MACC1: variants seen among roughly 807,000 people sequenced by gnomAD.
MACC1 encodes the protein metastasis-associated in colon cancer protein 1.
MACC1 carries 79 observed loss-of-function variants against 70.7 expected under a neutral mutation model. The observed-to-expected ratio is 1.12, with a 90% CI of 0.93 to 1.35. MACC1 has a LOEUF of 1.35. Ranked by LOEUF, MACC1 falls within the 40% of genes most tolerant of loss-of-function variation. The probability of loss-of-function intolerance (pLI) is 0.00; values close to 1 mark genes in which losing one functional copy is unlikely to be tolerated. For missense variants in MACC1, 1,106 were observed against 978.1 expected, an observed-to-expected ratio of 1.13 and a Z score of -1.74; for synonymous variants, 361 against 347.2, an observed-to-expected ratio of 1.04 and a Z score of -0.44.
rs188092251 is a variant in MACC1, at chr7:20,186,110, C to T, written c.-217-15332G>A. Reference sequence around the variant, plus strand: ...ATGGACAGAGCTACTATTACATTTACGATAGAGTTCCAGTTCAGTAAAGCC... The same window carrying T: ...ATGGACAGAGCTACTATTACATTTATGATAGAGTTCCAGTTCAGTAAAGCC... On this transcript the variant is annotated intron_variant, in intron 1 of 6. Transcript: ENST00000400331. Among the ~76,000 whole-genome samples the T allele has an allele frequency of 9.8e-5, 15 of 152,306 alleles. No individual in the cohort carries two copies. The East Asian group carries it at 1.3e-3, about 14-fold the overall frequency.
At chr7:20,149,549 G>A (rs1781944300) in intron 6 of MACC1, among the ~76,000 whole-genome samples, 1 of 152,164 alleles carries the variant, frequency 6.6e-6, no homozygotes, top group African/African-American at 2.4e-5. Flanking sequence ...CTTGAGGGCT[G>A]ATAGATGGTA....
intron 1 of MACC1, among the ~76,000 whole-genome samples, chr7:20,212,161 CTTTAATATTTTAT>C (rs1783008796): frequency 6.6e-6 from 1 of 152,132 alleles, no homozygotes; most frequent in South Asian, 2.1e-4. Flanking sequence ...ACTTTTTTAT[CTTTAATATTTTAT>C]TTCTTAAACT....
At chr7:20,142,948 A>T (rs886128067) in intron 6 of MACC1, among the ~76,000 whole-genome samples, 3 of 152,256 alleles carry the variant, frequency 2.0e-5, no homozygotes, top group Non-Finnish European at 4.4e-5. Flanking sequence ...GTATTTGAAG[A>T]TATTTTATGA....
chr7:20,216,218 G>A (rs940094290), intron 1 of MACC1, among the ~76,000 whole-genome samples: 1 of 152,136 alleles, frequency 6.6e-6, no homozygotes, highest in East Asian at 1.9e-4. Context: ...TAGACCCACT[G>A]AATATAGACT....
intron 6 of MACC1, among the ~76,000 whole-genome samples, chr7:20,151,488 T>C (rs548229171): frequency 1.6e-4 from 24 of 152,366 alleles, no homozygotes; most frequent in Middle Eastern, 3.4e-3. Flanking sequence ...ACTTTGCTTA[T>C]TATCAGATTC....
At chr7:20,169,645 A>G (rs540820101) in intron 2 of MACC1, among the ~76,000 whole-genome samples, 28 of 152,284 alleles carry the variant, frequency 1.8e-4, no homozygotes, top group African/African-American at 6.0e-4. Context: ...ATGTAAATGC[A>G]TTTTTGTAAA....
chr7:20,164,557 T>C lies in MACC1; in HGVS notation c.-152-158A>G, dbSNP rs189236372. Among the ~76,000 whole-genome samples, 29 of 152,280 alleles carry C rather than the reference T, an allele frequency of 1.9e-4. No homozygotes were observed. The East Asian group carries it at 5.6e-3, about 29-fold the overall frequency. On this transcript the variant is annotated intron_variant, in intron 2 of 6. Coordinates refer to ENST00000400331, the MANE Select transcript of MACC1 (RefSeq NM_182762.4). ...AGGTGGCATGCTTAAAAAAATCCAA[T>C]GTTGCAATAACCATTTCTTTCCCTG...
chr7:20,143,839 C>T lies in MACC1; in HGVS notation c.2347-2681G>A, dbSNP rs184502381. On this transcript the variant is annotated intron_variant, in intron 6 of 6. Coordinates refer to ENST00000400331, the MANE Select transcript of MACC1 (RefSeq NM_182762.4). ...GAGTCCCCTGAATTTGTCTGAAATGCAAGGGGGAATATTGCCCTAAACCGA... is the reference window on the plus strand; with the variant it reads ...GAGTCCCCTGAATTTGTCTGAAATGTAAGGGGGAATATTGCCCTAAACCGA... Among the ~76,000 whole-genome samples, 58 of 152,168 alleles carry T rather than the reference C, an allele frequency of 3.8e-4. 1 individual carries two copies. Among genetic ancestry groups the T allele is most frequent in the Admixed American group, 2.7e-3 (41 of 15,280 alleles).
At chr7:20,161,651 A>G in intron 4 of MACC1, 97 bp downstream of exon 4, 1 of 720,908 alleles carries the variant, frequency 1.4e-6, no homozygotes, top group Non-Finnish European at 2.4e-6. Flanking sequence ...AATTCTTTTC[A>G]TCTTCCAGCA....
intron 1 of MACC1, among the ~76,000 whole-genome samples, chr7:20,180,247 A>C (rs937474721): frequency 6.6e-6 from 1 of 151,150 alleles, no homozygotes; most frequent in African/African-American, 2.4e-5. Flanking sequence ...GATTGAGACC[A>C]TCCTGGCCAA....
chr7:20,182,662 C>T (rs923315978), intron 1 of MACC1, among the ~76,000 whole-genome samples: 3 of 152,056 alleles, frequency 2.0e-5, no homozygotes, highest in Admixed American at 6.5e-5. Flanking sequence ...GTCTTGCTAC[C>T]GTCCAAGACC....
intron 1 of MACC1, among the ~76,000 whole-genome samples, chr7:20,211,889 T>G (rs1414014571): frequency 6.6e-6 from 1 of 152,188 alleles, no homozygotes; most frequent in African/African-American, 2.4e-5. Flanking sequence ...AGAATAGACA[T>G]GGATTAATCT....
At chr7:20,141,196 TAGAA>T in intron 6 of MACC1, 38 bp from the exon 7 acceptor site, 2 of 1,390,034 alleles carry the variant, frequency 1.4e-6, no homozygotes, top group Non-Finnish European at 2.0e-6. Flanking sequence ...AGTGTGGAAG[TAGAA>T]AGGAGAGGAA....
At position 20,137,065 on chromosome 7, in the gene MACC1, T is replaced by A. The variant is rs987946416; in HGVS notation, c.*3881A>T. 2.6e-5 allele frequency: 4 copies of A among 151,748 alleles called. No homozygotes were observed. The highest frequency in any genetic ancestry group is 9.7e-5 in the African/African-American group (4 of 41,382). The allele number at this position is 151,748 out of a possible 1,614,324, so 9.4% of individuals were successfully genotyped here. Reference sequence around the variant, plus strand: ...ATGTAAAAACCCTCCAGTGACATCATTGTTCATTATTCTCTTTTTCTTTTA... The same window carrying A: ...ATGTAAAAACCCTCCAGTGACATCAATGTTCATTATTCTCTTTTTCTTTTA... On this transcript the variant is annotated 3_prime_UTR_variant, in exon 7 of 7. Transcript: ENST00000400331.
At chr7:20,210,768 A>T (rs1194467309) in intron 1 of MACC1, among the ~76,000 whole-genome samples, 1 of 152,166 alleles carries the variant, frequency 6.6e-6, no homozygotes, top group East Asian at 1.9e-4. Context: ...CTCTTAATGG[A>T]TGGTCAGGAA....
chr7:20,191,951 G>T (rs910076166), intron 1 of MACC1, among the ~76,000 whole-genome samples: 1 of 152,162 alleles, frequency 6.6e-6, no homozygotes. Flanking sequence ...TTTGATATCC[G>T]TTTTTTATCA....
intron 2 of MACC1, among the ~76,000 whole-genome samples, chr7:20,165,738 T>C (rs188896896): frequency 4.8e-4 from 73 of 152,284 alleles, no homozygotes; most frequent in African/African-American, 1.5e-3. Flanking sequence ...TCAGTCTTTG[T>C]TGGAATGAGT....
rs1310050271 is a variant in MACC1, at chr7:20,135,379, C to G, written c.*5567G>C. 1 of 152,122 alleles carries G rather than the reference C, an allele frequency of 6.6e-6. No individual in the cohort carries two copies. The highest frequency in any genetic ancestry group is 2.1e-4 in the South Asian group (1 of 4,824). 9.4% of individuals were successfully genotyped at this position (152,122 alleles called of 1,614,324 possible). A position where few individuals can be genotyped will look rare whatever the true frequency, so the allele number is the denominator to read the frequency against. On this transcript the variant is annotated 3_prime_UTR_variant, in exon 7 of 7. Coordinates refer to ENST00000400331, the MANE Select transcript of MACC1 (RefSeq NM_182762.4). ...CCTTAACATAAAGTGATTTTCGGTT[C>G]TTTAGCACAATTTTTAAAACAATTT...
chr7:20,178,583 C>G (rs1782449240), intron 1 of MACC1, among the ~76,000 whole-genome samples: 4 of 152,078 alleles, frequency 2.6e-5, no homozygotes, highest in Non-Finnish European at 1.5e-5. Context: ...TGGAGTACAC[C>G]TATGCAGATT....
Sources: allele counts gnomAD v4.1 joint callset (sites outside exome capture counted in the v4.1 genomes callset), GRCh38; gene constraint gnomAD v4.1.1; transcripts MANE v1.5; gene names NCBI Gene and HGNC (gene_info 2026-07-23, HGNC 2026-07-21).